Variants in NUP214 observed in about 807,000 individuals in gnomAD.
NUP214 encodes nucleoporin 214.
Under a neutral mutation model 196.2 loss-of-function variants are expected in NUP214, and 79 were observed. The ratio of observed to expected loss-of-function variants is 0.40; its 90% CI spans 0.34 to 0.49. The LOEUF is 0.49. Ranked by LOEUF, NUP214 falls within the 20% of genes least tolerant of loss-of-function variation. The probability of loss-of-function intolerance (pLI) is 0.58; values close to 1 mark genes in which losing one functional copy is unlikely to be tolerated. For synonymous variants in NUP214, 1,020 were observed against 990.5 expected (o/e 1.03, Z -0.56); for missense variants, 2,468 against 2,539.0 (o/e 0.97, Z 0.60).
intron 23 of NUP214, 156 bp downstream of exon 23, chr9:131,175,777 C>T: frequency 8.8e-7 from 1 of 1,134,660 alleles, no homozygotes; most frequent in Non-Finnish European, 1.2e-6. Flanking sequence ...GGAGAGAGTT[C>T]TAAGAAAGCA....
At position 131,163,858 on chromosome 9, in the gene NUP214, G is replaced by A; in HGVS notation, c.2724-12G>A. On this transcript the variant is annotated splice_polypyrimidine_tract_variant and intron_variant, in intron 19 of 35. Coordinates refer to ENST00000359428, the MANE Select transcript of NUP214 (RefSeq NM_005085.4). ...TCCTAGTTGGTCTGTATCTAACACTGTTCTGTTTCAGTTTTGACAGTGACC... is the reference window on the plus strand; with the variant it reads ...TCCTAGTTGGTCTGTATCTAACACTATTCTGTTTCAGTTTTGACAGTGACC... 2 of 1,612,056 alleles carry A rather than the reference G, an allele frequency of 1.2e-6. No individual in the cohort carries two copies. Among genetic ancestry groups the A allele is most frequent in the South Asian group, 1.1e-5 (1 of 91,008 alleles).
chr9:131,210,403 GC>G (rs372090802), intron 30 of NUP214, among the ~76,000 whole-genome samples: 1,638 of 152,286 alleles, frequency 0.011, 26 homozygotes, highest in African/African-American at 0.038. Flanking sequence ...GCCAAGGCGG[GC>G]GGATCACGAG....
At chr9:131,215,470 A>AT (rs1401834447) in intron 31 of NUP214, 102 bp downstream of exon 31, 4 of 1,252,322 alleles carry the variant, frequency 3.2e-6, no homozygotes, top group Non-Finnish European at 4.2e-6. Flanking sequence ...AGAAAAAAAA[A>AT]TCTAGAAGGC....
rs1276768783 is a variant in NUP214 at position 131,146,513 on chromosome 9, C to T, written c.1945+209C>T. Among the ~76,000 whole-genome samples, 5 of 152,226 alleles carry T rather than the reference C, an allele frequency of 3.3e-5. No homozygotes were observed. The highest frequency in any genetic ancestry group is 2.1e-4 in the South Asian group (1 of 4,834). Reference sequence around the variant, plus strand: ...AATGCTGCCACTCTTCTCTCTGACACTTCTTATGGAGCTAAGTGTATTTAA... The same window carrying T: ...AATGCTGCCACTCTTCTCTCTGACATTTCTTATGGAGCTAAGTGTATTTAA... On this transcript the variant is annotated intron_variant, in intron 13 of 35. Transcript: ENST00000359428. The surrounding 1 kb of genome is among the most constrained non-coding windows in gnomAD (Gnocchi z 4.6).
intron 9 of NUP214, among the ~76,000 whole-genome samples, 191 bp downstream of exon 9, chr9:131,136,197 A>G (rs3739505): frequency 0.27 from 41,087 of 152,124 alleles, 5,819 homozygotes; most frequent in East Asian, 0.42. Flanking sequence ...GGGCCACCAC[A>G]CCTGGCTGAT....
chr9:131,200,200 G>T (rs529187024), intron 29 of NUP214, among the ~76,000 whole-genome samples: 1 of 152,210 alleles, frequency 6.6e-6, no homozygotes, highest in Non-Finnish European at 1.5e-5. Flanking sequence ...GTATCTGTGC[G>T]GAAAGGTATC....
intron 9 of NUP214, among the ~76,000 whole-genome samples, chr9:131,138,582 A>G (rs1831810873): frequency 6.6e-6 from 1 of 152,232 alleles, no homozygotes; most frequent in Non-Finnish European, 1.5e-5. Flanking sequence ...TCTGGTCAAC[A>G]CTGAAAGTTA....
intron 32 of NUP214, among the ~76,000 whole-genome samples, chr9:131,223,703 T>A (rs557925231): frequency 1.3e-4 from 15 of 119,808 alleles, no homozygotes; most frequent in African/African-American, 3.3e-4. Context: ...AAATCACTTT[T>A]TTTTTATTTT....
chr9:131,200,683 T>C (rs1833915646), intron 29 of NUP214, among the ~76,000 whole-genome samples: 1 of 152,136 alleles, frequency 6.6e-6, no homozygotes, highest in African/African-American at 2.4e-5. Context: ...CACTCCAGCC[T>C]GGGCAATAGA....
intron 33 of NUP214, 110 bp downstream of exon 33, chr9:131,228,441 C>G (rs570939967): frequency 9.1e-7 from 1 of 1,101,816 alleles, no homozygotes; most frequent in South Asian, 1.8e-5. Context: ...AGGCCCCTCC[C>G]TTGAAATTTG....
chr9:131,188,628 G>A (rs939393590), intron 25 of NUP214, among the ~76,000 whole-genome samples: 1 of 152,260 alleles, frequency 6.6e-6, no homozygotes, highest in Non-Finnish European at 1.5e-5. Context: ...GTCATGGCGA[G>A]TGAAGGAACA....
chr9:131,228,320 A>T lies in NUP214; in HGVS notation c.6063A>T (p.Ala2021=), dbSNP rs1229478677. The T allele has an allele frequency of 6.3e-7, 1 of 1,586,474 alleles. No homozygotes were observed. Among genetic ancestry groups the T allele is most frequent in the Non-Finnish European group, 8.5e-7 (1 of 1,169,986 alleles). ...GAGAGGGCACTGCAGCTGCCAGCGC[A>T]GGAGGATTCGGGTAAGCCCCCTGGG... ...VFGEGTAAAS[A]GGFGFGSSSN... The change falls in exon 33 of 36, where the codon GCA becomes GCT. Residue 2021 remains alanine (A), a synonymous_variant. Transcript: ENST00000359428.
chr9:131,168,386 A>C (rs1165946606), intron 21 of NUP214, among the ~76,000 whole-genome samples: 1 of 152,232 alleles, frequency 6.6e-6, no homozygotes, highest in Non-Finnish European at 1.5e-5. Flanking sequence ...TAATTTACAT[A>C]TAAAACTCAC....
intron 27 of NUP214, chr9:131,193,764 G>C (rs775228888): frequency 2.7e-5 from 4 of 146,662 alleles, no homozygotes; most frequent in African/African-American, 1.0e-4. Context: ...TGATTCTCTT[G>C]CCCTAGCCTC....
At chr9:131,208,654 G>A (rs1476549994) in intron 30 of NUP214, among the ~76,000 whole-genome samples, 11 of 151,682 alleles carry the variant, frequency 7.3e-5, no homozygotes, top group South Asian at 4.2e-4. Flanking sequence ...CCGAGATCGC[G>A]CCACTGCACT....
In NUP214 at chr9:131,232,454, G is replaced by A; in HGVS notation, c.6239+146G>A. On this transcript the variant is annotated intron_variant, in intron 35 of 35. Coordinates refer to ENST00000359428, the MANE Select transcript of NUP214 (RefSeq NM_005085.4). The surrounding 1 kb of genome is among the most constrained non-coding windows in gnomAD (Gnocchi z 5.1). Reference sequence around the variant, plus strand: ...CTGGAAGTGTGGGGGTTCAGCAGCAGGGTTTGGGTTTTGTGGACTTGCTCT... The same window carrying A: ...CTGGAAGTGTGGGGGTTCAGCAGCAAGGTTTGGGTTTTGTGGACTTGCTCT... 3.6e-6 allele frequency: 3 copies of A among 840,588 alleles called. No individual in the cohort carries two copies. Among genetic ancestry groups the A allele is most frequent in the Non-Finnish European group, 6.0e-6 (3 of 501,368 alleles). The allele number at this position is 840,588 out of a possible 1,614,324, so 52.1% of individuals were successfully genotyped here.
intron 33 of NUP214, chr9:131,230,171 T>G: frequency 5.5e-6 from 1 of 182,310 alleles, no homozygotes; most frequent in Admixed American, 5.5e-5. Flanking sequence ...AGGAAGCAAA[T>G]ACAAAATCCT....
intron 21 of NUP214, among the ~76,000 whole-genome samples, chr9:131,171,403 A>G (rs1278046823): frequency 6.6e-6 from 1 of 152,194 alleles, no homozygotes; most frequent in Admixed American, 6.5e-5. Flanking sequence ...CAGGAACTAC[A>G]ATAGGATTTT....
rs891692713 is a variant in NUP214, at chr9:131,135,228, A to G, written c.938+224A>G. 1.5e-4 allele frequency: 69 copies of G among 469,418 alleles called. No homozygotes were observed. The East Asian group carries it at 1.5e-3, about 10-fold the overall frequency. The allele number at this position is 469,418 out of a possible 1,614,324, so 29.1% of individuals were successfully genotyped here. ...CCTCAGCCTCCCAGATGGGACTACA[A>G]GCACATGCCACCACACCTGGCTTAT... On this transcript the variant is annotated intron_variant, in intron 8 of 35. Coordinates refer to ENST00000359428, the MANE Select transcript of NUP214 (RefSeq NM_005085.4).
Sources: gnomAD v4.1 joint callset for allele counts (sites outside exome capture counted in the v4.1 genomes callset) on GRCh38, gnomAD v4.1.1 for gene constraint, Gnocchi (gnomAD v3.1) non-coding constraint, MANE v1.5 for transcripts, NCBI Gene and HGNC (gene_info 2026-07-23, HGNC 2026-07-21) for gene names.